Variants in EDNRB observed in about 807,000 individuals in gnomAD.
The protein encoded by EDNRB is endothelin receptor type B, also known as Hirschsprung disease 2.
In EDNRB, 18 loss-of-function variants were observed where a neutral mutation model predicts 46.4. The ratio of observed to expected loss-of-function variants is 0.39; its 90% CI spans 0.27 to 0.57. The LOEUF (loss-of-function observed/expected upper bound fraction) is 0.57. EDNRB is among the 20% of genes least tolerant of loss of function. The pLI, the probability that EDNRB is intolerant of heterozygous loss-of-function variation, is 0.61. For synonymous variants in EDNRB, 213 were observed against 204.9 expected (o/e 1.04, Z -0.34); for missense variants, 434 against 537.5 (o/e 0.81, Z 1.90).
chr13:77,897,087 A>G lies in EDNRB; in HGVS notation c.*1113T>C. ...TAGCATTATACATATGCTAGAAACC[A>G]TTTTAACCACAGCATGGGTGAGAGA... On this transcript the variant is annotated 3_prime_UTR_variant, in exon 7 of 7. Transcript: ENST00000646607. 1 of 985,792 alleles carries G rather than the reference A, an allele frequency of 1.0e-6. No individual in the cohort carries two copies. Among genetic ancestry groups the G allele is most frequent in the Non-Finnish European group, 1.2e-6 (1 of 830,266 alleles). 61.1% of individuals were successfully genotyped at this position (985,792 alleles called of 1,614,324 possible).
chr13:77,924,894 G>C (rs1466555997), intron 1 of EDNRB, among the ~76,000 whole-genome samples: 1 of 152,194 alleles, frequency 6.6e-6, no homozygotes, highest in Non-Finnish European at 1.5e-5. Context: ...CACCTAAGAT[G>C]TGACTTGCTC....
At chr13:77,950,889 C>T (rs1210872552) in intron 1 of EDNRB, among the ~76,000 whole-genome samples, 1 of 152,152 alleles carries the variant, frequency 6.6e-6, no homozygotes, top group Non-Finnish European at 1.5e-5. Context: ...ATTGATGCCA[C>T]GGTTCCCATG....
At chr13:77,940,439 T>C (rs538434222) in intron 1 of EDNRB, among the ~76,000 whole-genome samples, 1 of 152,062 alleles carries the variant, frequency 6.6e-6, no homozygotes, top group Admixed American at 6.5e-5. Context: ...AATACCTTCA[T>C]AAAATTTTGA....
At chr13:77,945,876 CAAAA>C (rs67463440) in intron 1 of EDNRB, among the ~76,000 whole-genome samples, 1 of 115,592 alleles carries the variant, frequency 8.7e-6, no homozygotes, top group Non-Finnish European at 1.8e-5. Context: ...TGCAAAAAAC[CAAAA>C]AAAAAAAAAA....
At chr13:77,931,634 A>C (rs1880404108) in intron 1 of EDNRB, among the ~76,000 whole-genome samples, 1 of 151,952 alleles carries the variant, frequency 6.6e-6, no homozygotes, top group African/African-American at 2.4e-5. Context: ...GTAATCAACT[A>C]ACCAAGAGAG....
chr13:77,950,159 C>G (rs1334863516), intron 1 of EDNRB, among the ~76,000 whole-genome samples: 1 of 152,204 alleles, frequency 6.6e-6, no homozygotes, highest in Non-Finnish European at 1.5e-5. Context: ...GAGTTAATTT[C>G]TCAAACTTAT....
rs1221010949 is a variant in EDNRB, at chr13:77,897,865, A to G, written c.*335T>C. On this transcript the variant is annotated 3_prime_UTR_variant, in exon 7 of 7. Transcript: ENST00000646607. Reference sequence around the variant, plus strand: ...TTGATTTAAAAATAAATCTCTTTTTAGAAAGAATAGAAATTCTGAGTGAGC... The same window carrying G: ...TTGATTTAAAAATAAATCTCTTTTTGGAAAGAATAGAAATTCTGAGTGAGC... 9.7e-7 allele frequency: 1 copy of G among 1,029,160 alleles called. No homozygotes were observed. The highest frequency in any genetic ancestry group is 1.7e-5 in the African/African-American group (1 of 58,154). The allele number at this position is 1,029,160 out of a possible 1,614,324, so 63.8% of individuals were successfully genotyped here.
At chr13:77,952,354 A>C (rs1881116604) in intron 1 of EDNRB, among the ~76,000 whole-genome samples, 1 of 152,168 alleles carries the variant, frequency 6.6e-6, no homozygotes, top group African/African-American at 2.4e-5. Context: ...TCTTTAAAGC[A>C]AAATTAGGAA....
intron 1 of EDNRB, among the ~76,000 whole-genome samples, chr13:77,935,564 GT>G (rs1186530088): frequency 6.6e-6 from 1 of 152,180 alleles, no homozygotes; most frequent in Non-Finnish European, 1.5e-5. Flanking sequence ...AGGTGTTGGG[GT>G]TTGAGAGATC....
At position 77,973,949 on chromosome 13, in the gene EDNRB, T is replaced by G. The variant is rs1393192327; in HGVS notation, c.-52+1398A>C. On this transcript the variant is annotated intron_variant, in intron 1 of 7. Coordinates refer to the EDNRB transcript ENST00000646948. ...CCCCCCTTTTTTCCTTTTTTTTTTT[T>G]TGAAGATGATAACCATTTTTTTCCA... is the stretch of plus-strand genomic sequence containing the variant. 4.6e-5 allele frequency among the ~76,000 whole-genome samples: 7 copies of G among 152,010 alleles called. No homozygotes were observed. The South Asian group carries it at 1.0e-3, about 23-fold the overall frequency.
At chr13:77,947,297 T>G (rs544955033) in intron 1 of EDNRB, among the ~76,000 whole-genome samples, 76 of 151,978 alleles carry the variant, frequency 5.0e-4, no homozygotes, top group South Asian at 4.2e-3. Context: ...ACATCTGTTT[T>G]TTTTTTTTTT....
chr13:77,921,808 T>C (rs922018720), upstream of EDNRB, among the ~76,000 whole-genome samples: 17 of 152,228 alleles, frequency 1.1e-4, no homozygotes, highest in Admixed American at 8.5e-4. Context: ...AGTTACTTCT[T>C]GCTCCAATAA....
upstream of EDNRB, among the ~76,000 whole-genome samples, chr13:77,921,183 G>C (rs1308252404): frequency 6.6e-6 from 1 of 152,034 alleles, no homozygotes; most frequent in Non-Finnish European, 1.5e-5. Flanking sequence ...TGTTCTTTCT[G>C]CACCATCCCA....
At chr13:77,931,618 A>G (rs1470793553) in intron 1 of EDNRB, among the ~76,000 whole-genome samples, 1 of 152,102 alleles carries the variant, frequency 6.6e-6, no homozygotes, top group Admixed American at 6.5e-5. Context: ...GCACAATTAG[A>G]ATAATGTAAT....
At chr13:77,964,001 C>G (rs1475109334) in intron 1 of EDNRB, among the ~76,000 whole-genome samples, 1 of 152,176 alleles carries the variant, frequency 6.6e-6, no homozygotes, top group Non-Finnish European at 1.5e-5. Context: ...ATTTATGCAG[C>G]CAACAGACAC....
chr13:77,903,162 G>A lies in EDNRB; in HGVS notation c.795C>T (p.Phe265=). The A allele has an allele frequency of 6.2e-7, 1 of 1,612,696 alleles. No homozygotes were observed. Among genetic ancestry groups the A allele is most frequent in the Non-Finnish European group, 8.5e-7 (1 of 1,179,184 alleles). Residue 265 remains phenylalanine, a synonymous_variant, in exon 3 of 7, where the codon TTC becomes TTT. Transcript: ENST00000646607. Reference sequence around the variant, plus strand: ...TAAAAAAAGTGAAATTTACCTGCATGAAAGCTGTCTTCTGAACGGGATGAA... The same window carrying A: ...TAAAAAAAGTGAAATTTACCTGCATAAAAGCTGTCTTCTGAACGGGATGAA... ...CLLHPVQKTA[F]MQFYKTAKDW...
chr13:77,959,881 C>T (rs76121566), intron 1 of EDNRB, among the ~76,000 whole-genome samples: 2,096 of 152,234 alleles, frequency 0.014, 42 homozygotes, highest in African/African-American at 0.048. Context: ...ACAAGAACTA[C>T]GTGATGAATG....
chr13:77,941,715 TGGACAGTA>T (rs1210880389), intron 1 of EDNRB, among the ~76,000 whole-genome samples: 2 of 152,226 alleles, frequency 1.3e-5, no homozygotes, highest in Non-Finnish European at 2.9e-5. Flanking sequence ...TTTTCTAAGT[TGGACAGTA>T]GGACAGGGAC....
intron 5 of EDNRB, 46 bp from the exon 6 acceptor site, chr13:77,900,013 G>A (rs1300983201): frequency 6.7e-7 from 1 of 1,498,314 alleles, no homozygotes; most frequent in Non-Finnish European, 9.3e-7. Context: ...ATGCTATTCT[G>A]AACATGTAGT....
Sources: allele counts gnomAD v4.1 joint callset (sites outside exome capture counted in the v4.1 genomes callset), GRCh38; gene constraint gnomAD v4.1.1; transcripts MANE v1.5; gene names NCBI Gene and HGNC (gene_info 2026-07-23, HGNC 2026-07-21).